ZFAT: variants seen among roughly 807,000 people sequenced by gnomAD.
ZFAT encodes the protein zinc finger and AT-hook domain containing.
ZFAT carries 64 observed loss-of-function variants against 117.7 expected under a neutral mutation model. The observed-to-expected ratio is 0.54, with a 90% CI of 0.44 to 0.67. ZFAT has a LOEUF of 0.67. ZFAT is among the 30% of genes least tolerant of loss of function. The pLI is 0.00. For missense variants in ZFAT, 1,433 were observed against 1,584.5 expected, an observed-to-expected ratio of 0.90 and a Z score of 1.62; for synonymous variants, 679 against 615.0, an observed-to-expected ratio of 1.10 and a Z score of -1.54.
At chr8:134,615,135 G>T (rs1164424198) in intron 3 of ZFAT, among the ~76,000 whole-genome samples, 1 of 152,140 alleles carries the variant, frequency 6.6e-6, no homozygotes, top group African/African-American at 2.4e-5. Context: ...GGACAGTGGG[G>T]TTCTCCTTGT....
At chr8:134,666,975 T>C (rs1832256470) in intron 1 of ZFAT, among the ~76,000 whole-genome samples, 1 of 152,348 alleles carries the variant, frequency 6.6e-6, no homozygotes, top group Admixed American at 6.5e-5. Context: ...AGTGAGTTCA[T>C]GTCCTTTGAA....
At chr8:134,554,017 T>C (rs1464114217) in intron 11 of ZFAT, among the ~76,000 whole-genome samples, 1 of 152,194 alleles carries the variant, frequency 6.6e-6, no homozygotes, top group Non-Finnish European at 1.5e-5. Context: ...TCCAAGTCTT[T>C]CCTGAACTAC....
In ZFAT at chr8:134,601,747, G is replaced by C; in HGVS notation, c.1972C>G (p.Gln658Glu). The change falls in exon 6 of 16, where the codon CAG becomes GAG. Residue 658 changes from glutamine (Q) to glutamate (E), a missense_variant. Gln to Glu is a conservative substitution (Grantham distance 29). Coordinates refer to ENST00000377838, the MANE Select transcript of ZFAT (RefSeq NM_020863.4). ...HGAQSPLGEG[Q>E]NMAVLSAGDP... is the part of the protein sequence containing the mutation. ...CCAGCTGAAAGCACAGCCATGTTCT[G>C]CCCTTCCCCTAGGGGGCTCTGGGCG... is the stretch of plus-strand genomic sequence containing the variant. 6.2e-7 allele frequency: 1 copy of C among 1,613,612 alleles called. No individual in the cohort carries two copies. The highest frequency in any genetic ancestry group is 8.5e-7 in the Non-Finnish European group (1 of 1,179,814).
At chr8:134,561,388 T>A (rs890545631) in intron 11 of ZFAT, among the ~76,000 whole-genome samples, 1 of 152,086 alleles carries the variant, frequency 6.6e-6, no homozygotes, top group Non-Finnish European at 1.5e-5. Flanking sequence ...CATTCTCCAA[T>A]AGAGCTTTAT....
At chr8:134,659,514 C>T (rs1831822987) in intron 1 of ZFAT, among the ~76,000 whole-genome samples, 1 of 152,164 alleles carries the variant, frequency 6.6e-6, no homozygotes, top group Non-Finnish European at 1.5e-5. Context: ...TTGCCTGCAC[C>T]CAGGAAGATG....
At chr8:134,589,790 G>A (rs145504411) in intron 8 of ZFAT, among the ~76,000 whole-genome samples, 8 of 152,350 alleles carry the variant, frequency 5.3e-5, no homozygotes, top group South Asian at 2.1e-4. Context: ...CAGGTGGCAC[G>A]AACAGAAATG....
At chr8:134,576,669 T>G (rs1350388382) in intron 10 of ZFAT, among the ~76,000 whole-genome samples, 1 of 152,096 alleles carries the variant, frequency 6.6e-6, no homozygotes, top group Non-Finnish European at 1.5e-5. Context: ...TAGAGGACAG[T>G]GGAGGAAAAC....
At chr8:134,658,446 C>T (rs1831757285) in intron 1 of ZFAT, among the ~76,000 whole-genome samples, 1 of 151,966 alleles carries the variant, frequency 6.6e-6, no homozygotes, top group South Asian at 2.1e-4. Flanking sequence ...AAATTACGCA[C>T]AAGGAAAAGT....
chr8:134,557,898 T>C (rs1823769562), intron 11 of ZFAT, among the ~76,000 whole-genome samples: 2 of 152,228 alleles, frequency 1.3e-5, no homozygotes, highest in Admixed American at 1.3e-4. Context: ...AGCTGTGTGC[T>C]GTTTACAGGA....
At chr8:134,740,223 T>G in the ZFAT span, among the ~76,000 whole-genome samples, 1 of 151,434 alleles carries the variant, frequency 6.6e-6, no homozygotes, top group Non-Finnish European at 1.5e-5. Flanking sequence ...CTAGGAAGAG[T>G]GAGTGAGGTA....
the ZFAT span, among the ~76,000 whole-genome samples, chr8:134,783,329 G>A: frequency 6.6e-6 from 1 of 152,294 alleles, no homozygotes; most frequent in Non-Finnish European, 1.5e-5. Context: ...GGCCAAGTGA[G>A]CATTACCGCC....
At chr8:134,735,663 C>G in the ZFAT span, among the ~76,000 whole-genome samples, 1 of 152,052 alleles carries the variant, frequency 6.6e-6, no homozygotes, top group Non-Finnish European at 1.5e-5. Context: ...CCAGTGCAAC[C>G]TGAGTGAGTG....
At chr8:134,570,135 G>A (rs2130793057) in intron 10 of ZFAT, among the ~76,000 whole-genome samples, 1 of 152,252 alleles carries the variant, frequency 6.6e-6, no homozygotes, top group Non-Finnish European at 1.5e-5. Context: ...TGCACCTGCT[G>A]TTCCCAGAGC....
At chr8:134,743,403 A>T in the ZFAT span, among the ~76,000 whole-genome samples, 1 of 152,048 alleles carries the variant, frequency 6.6e-6, no homozygotes, top group Non-Finnish European at 1.5e-5. Flanking sequence ...GCAGGAGAAT[A>T]GCTTGAACCT....
intron 15 of ZFAT, among the ~76,000 whole-genome samples, chr8:134,480,999 T>A (rs897692108): frequency 1.3e-5 from 2 of 152,184 alleles, no homozygotes; most frequent in Non-Finnish European, 2.9e-5. Flanking sequence ...AACTTTTGAT[T>A]TGGACTGATA....
chr8:134,696,480 G>C, intron 1 of ZFAT: 1 of 985,648 alleles, frequency 1.0e-6, no homozygotes, highest in Non-Finnish European at 1.2e-6. Context: ...GGGCGCCTCC[G>C]CCGCTTCCCA....
chr8:134,700,667 C>T (rs1833986162), intron 1 of ZFAT, among the ~76,000 whole-genome samples: 1 of 152,168 alleles, frequency 6.6e-6, no homozygotes, highest in East Asian at 1.9e-4. Flanking sequence ...GCAGAGGCTG[C>T]GTACCTTGTC....
At chr8:134,725,950 T>C in the ZFAT span, among the ~76,000 whole-genome samples, 1 of 152,170 alleles carries the variant, frequency 6.6e-6, no homozygotes, top group Non-Finnish European at 1.5e-5. Flanking sequence ...TATCAATGAA[T>C]TAATTAGTGG....
chr8:134,689,328 G>C (rs1292292312), intron 1 of ZFAT, among the ~76,000 whole-genome samples: 4 of 152,218 alleles, frequency 2.6e-5, no homozygotes, highest in Non-Finnish European at 5.9e-5. Flanking sequence ...CTGCCTACGG[G>C]GTAGCCCTGC....
Sources: allele counts gnomAD v4.1 joint callset (sites outside exome capture counted in the v4.1 genomes callset), GRCh38; gene constraint gnomAD v4.1.1; transcripts MANE v1.5; gene names NCBI Gene and HGNC (gene_info 2026-07-23, HGNC 2026-07-21).